CEP170B: variants seen among roughly 807,000 people sequenced by gnomAD.
CEP170B encodes centrosomal protein 170B.
A neutral mutation model predicts 120.6 loss-of-function variants in CEP170B; 55 were observed. The observed-to-expected ratio is 0.46, with a 90% CI of 0.37 to 0.57. CEP170B has a LOEUF of 0.57. Among genes scored for constraint, CEP170B ranks in the 20% least tolerant of loss-of-function variants. The pLI is 0.00. For synonymous variants in CEP170B, 1,033 were observed against 954.5 expected (o/e 1.08, Z -1.52); for missense variants, 2,212 against 2,253.3 (o/e 0.98, Z 0.37).
Position 104,887,774 on chromosome 14 carries a change from T to C in CEP170B, c.3535T>C (p.Ser1179Pro). 2 of 1,583,088 alleles carry C rather than the reference T, an allele frequency of 1.3e-6. No homozygotes were observed. Among genetic ancestry groups the C allele is most frequent in the Non-Finnish European group, 1.7e-6 (2 of 1,166,164 alleles). The change falls in exon 12 of 19, where the codon TCC becomes CCC. Residue 1179 changes from serine (S) to proline (P), a missense_variant. Transcript: ENST00000414716. The stretch of plus-strand genomic sequence containing the variant: ...GGCCATGCCCCGGAAGCGGGCCGGC[T>C]CCTTCACAGGGACTAGTGACCCCGA... ...ILAMPRKRAG[S>P]FTGTSDPEAA...
rs781448978 is a variant in CEP170B at position 104,887,489 on chromosome 14, G to T, written c.3250G>T (p.Ala1084Ser). The change falls in exon 12 of 19, where the codon GCC (alanine) becomes TCC (serine). Residue 1084 changes from alanine (A) to serine (S), a missense_variant. This residue lies in a region of CEP170B where 2,166 missense variants were observed against 2,166.7 expected (regional missense o/e 1.00). Coordinates refer to ENST00000414716, the MANE Select transcript of CEP170B (RefSeq NM_001112726.3). ...GRLGSRRKPA[A>S]PPPSPAAREE... ...GCTAGGTTCTCGCCGGAAACCAGCG[G>T]CCCCACCGCCATCCCCAGCTGCCCG... 1.9e-6 allele frequency: 3 copies of T among 1,611,810 alleles called. No homozygotes were observed. The East Asian group carries it at 6.7e-5, about 36-fold the overall frequency.
intron 8 of CEP170B, 76 bp from the exon 9 acceptor site, chr14:104,883,755 G>A (rs528676748): frequency 2.2e-6 from 3 of 1,369,024 alleles, no homozygotes; most frequent in African/African-American, 2.9e-5. Context: ...AAGGCATGGG[G>A]TGATGAGGCT....
chr14:104,884,631 G>A (rs1256431047), intron 9 of CEP170B, 82 bp downstream of exon 9: 42 of 1,314,048 alleles, frequency 3.2e-5, no homozygotes, highest in Admixed American at 1.1e-4. Flanking sequence ...GAGAGCCCTC[G>A]TGGGGAACGG....
chr14:104,872,289 CGTGTGTGTGCCAT>C lies in CEP170B; in HGVS notation c.105+3736_105+3748del, dbSNP rs1895556564. The stretch of plus-strand genomic sequence containing the variant: ...GTGTGGGTGTGCCGTGTGTGTGCCG[CGTGTGTGTGCCAT>C]GGGTGTGCGTGTGTGCCGTGGGTGT... On this transcript the variant is annotated intron_variant, in intron 2 of 18. Coordinates refer to ENST00000414716, the MANE Select transcript of CEP170B (RefSeq NM_001112726.3). 1.0e-4 allele frequency among the ~76,000 whole-genome samples: 6 copies of C among 57,180 alleles called. No homozygotes were observed. The South Asian group carries it at 3.8e-3, about 36-fold the overall frequency. 37.5% of individuals were successfully genotyped at this position (57,180 alleles called of 152,430 possible).
Position 104,868,027 on chromosome 14 carries a change from G to T in CEP170B, c.-27-397G>T, listed in dbSNP as rs2140612157. ...CCTGGCATCATGGGGACCCTGATGGGCTATGCTGGGTCCTACCCATGAGCT... is the reference window on the plus strand; with the variant it reads ...CCTGGCATCATGGGGACCCTGATGGTCTATGCTGGGTCCTACCCATGAGCT... On this transcript the variant is annotated intron_variant, in intron 1 of 18. Transcript: ENST00000414716. This position sits in a 1 kb window ranked among gnomAD's most constrained non-coding sequence, Gnocchi z 5.9. Among the ~76,000 whole-genome samples the T allele has an allele frequency of 6.6e-6, 1 of 152,240 alleles. No homozygotes were observed. Among genetic ancestry groups the T allele is most frequent in the East Asian group, 1.9e-4 (1 of 5,178 alleles).
In CEP170B at chr14:104,886,593, C is replaced by G; in HGVS notation, c.2354C>G (p.Ser785Ter). ...CCCACGTGGAGCAGGGGTCGGCGCT[C>G]ACCAAGGGCCCCCGGGGAGCCAACT... ...EGPTWSRGRR[S>*]PRAPGEPTPA... is the part of the protein sequence containing the mutation. The change falls in exon 12 of 19, where the codon TCA (serine) becomes TGA (stop). Residue 785 changes from serine to a stop codon, truncating the protein, a stop_gained. Transcript: ENST00000414716. LOFTEE classifies it high-confidence loss of function. 6.6e-7 allele frequency: 1 copy of G among 1,517,134 alleles called. No individual in the cohort carries two copies. The highest frequency in any genetic ancestry group is 8.8e-7 in the Non-Finnish European group (1 of 1,135,816). 94.0% of individuals were successfully genotyped at this position (1,517,134 alleles called of 1,614,324 possible).
In CEP170B at chr14:104,887,489, G is replaced by A. The variant is rs781448978; in HGVS notation, c.3250G>A (p.Ala1084Thr). The stretch of plus-strand genomic sequence containing the variant: ...GCTAGGTTCTCGCCGGAAACCAGCG[G>A]CCCCACCGCCATCCCCAGCTGCCCG... ...GRLGSRRKPA[A>T]PPPSPAAREE... Residue 1084 changes from alanine (A) to threonine (T), a missense_variant, in exon 12 of 19, where the codon GCC (alanine) becomes ACC (threonine). This residue lies in a region of CEP170B where 2,166 missense variants were observed against 2,166.7 expected (regional missense o/e 1.00). Coordinates refer to ENST00000414716, the MANE Select transcript of CEP170B (RefSeq NM_001112726.3). 1 of 1,611,810 alleles carries A rather than the reference G, an allele frequency of 6.2e-7. No homozygotes were observed. Among genetic ancestry groups the A allele is most frequent in the South Asian group, 1.1e-5 (1 of 90,998 alleles).
intron 2 of CEP170B, among the ~76,000 whole-genome samples, chr14:104,871,883 G>A (rs1222973244): frequency 6.6e-6 from 1 of 152,226 alleles, no homozygotes; most frequent in African/African-American, 2.4e-5. Flanking sequence ...CAGGTAGACG[G>A]GTAGGGGAGT....
chr14:104,893,046 G>A lies in CEP170B; in HGVS notation c.3949G>A (p.Asp1317Asn). Residue 1317 changes from aspartate (D) to asparagine (N), a missense_variant, in exon 14 of 19, where the codon GAC (aspartate) becomes AAC (asparagine). Asp to Asn is a conservative substitution (Grantham distance 23). Around this residue, in one of 2 missense-constraint regions of CEP170B, gnomAD observed 2,166 missense variants for 2,166.7 expected, o/e 1.00. Transcript: ENST00000414716. ...QEIHDVAGDG[D>N]TLGSSEPAHS... The stretch of plus-strand genomic sequence containing the variant: ...GATCCACGATGTGGCTGGGGACGGT[G>A]ACACACTGGGCTCCTCGGAGCCTGC... The A allele has an allele frequency of 6.3e-7, 1 of 1,595,574 alleles. No individual in the cohort carries two copies. Among genetic ancestry groups the A allele is most frequent in the Non-Finnish European group, 8.5e-7 (1 of 1,172,864 alleles).
At chr14:104,885,299 C>T (rs1188709936) in intron 9 of CEP170B, 70 bp from the exon 10 acceptor site, 152 of 1,450,082 alleles carry the variant, frequency 1.0e-4, no homozygotes, top group Non-Finnish European at 1.3e-4. Context: ...TGGGGGTGGC[C>T]AGTGTCAGTG....
In CEP170B at chr14:104,872,448, A is replaced by G. The variant is rs58406517; in HGVS notation, c.106-3808A>G. ...CCGTGCGTGTGTGCGTGTGTGTGCC[A>G]TGTGTGTGCGTGTGGGTGTGCCGTG... On this transcript the variant is annotated intron_variant, in intron 2 of 18. Transcript: ENST00000414716. Among the ~76,000 whole-genome samples, 35 of 69,234 alleles carry G rather than the reference A, an allele frequency of 5.1e-4. 5 individuals carry two copies. Among genetic ancestry groups the G allele is most frequent in the African/African-American group, 2.8e-3 (30 of 10,678 alleles). The allele number at this position is 69,234 out of a possible 152,430, so 45.4% of individuals were successfully genotyped here. A position where few individuals can be genotyped will look rare whatever the true frequency, so the allele number is the denominator to read the frequency against.
At chr14:104,893,452 C>A in intron 14 of CEP170B, 71 bp from the exon 15 acceptor site, 1 of 1,531,958 alleles carries the variant, frequency 6.5e-7, no homozygotes. Context: ...CGGGCCGGAG[C>A]AGGGAGGTGC....
intron 13 of CEP170B, among the ~76,000 whole-genome samples, chr14:104,892,018 A>AGGTAGG (rs1243477549): frequency 6.7e-6 from 1 of 149,116 alleles, no homozygotes; most frequent in African/African-American, 2.5e-5. Context: ...GTGCCGCTGG[A>AGGTAGG]GGTAGGGGTA....
intron 3 of CEP170B, among the ~76,000 whole-genome samples, chr14:104,876,676 C>T (rs1895869713): frequency 6.6e-6 from 1 of 152,238 alleles, no homozygotes; most frequent in South Asian, 2.1e-4. Flanking sequence ...GAAGGCTCCC[C>T]CTGGCAGGGT....
Position 104,883,176 on chromosome 14 carries a change from C to G in CEP170B, c.719C>G (p.Pro240Arg). The change falls in exon 8 of 19, where the codon CCC becomes CGC. Residue 240 changes from proline to arginine, a missense_variant. Pro to Arg is a moderately radical substitution (Grantham distance 103, BLOSUM62 -2). Coordinates refer to ENST00000414716, the MANE Select transcript of CEP170B (RefSeq NM_001112726.3). ...GAGACCCCGCAGCCGTCGCAGCCCC[C>G]CGAGGTGCCGGCACACGAGATGCCC... is the stretch of plus-strand genomic sequence containing the variant. ...TKETPQPSQP[P>R]EVPAHEMPTK... 6.3e-7 allele frequency: 1 copy of G among 1,599,406 alleles called. No homozygotes were observed. Among genetic ancestry groups the G allele is most frequent in the Admixed American group, 1.7e-5 (1 of 58,752 alleles).
chr14:104,885,407 A>G lies in CEP170B; in HGVS notation c.1809A>G (p.Ala603=), dbSNP rs772939384. 24 of 1,569,548 alleles carry G rather than the reference A, an allele frequency of 1.5e-5. 1 individual carries two copies. The East Asian group carries it at 3.1e-4, about 20-fold the overall frequency. The change falls in exon 10 of 19, where the codon GCA becomes GCG. Residue 603 remains alanine (A), a synonymous_variant. Transcript: ENST00000414716. ...TGGAGTCCCCTGAACTCTCCAGGGC[A>G]TCTTCGGCCACCTTTCGCCCAGTCA... ...GVLESPELSR[A]SSATFRPVIR... is the part of the protein sequence containing the mutation.
Position 104,867,887 on chromosome 14 carries a change from G to A in CEP170B, c.-27-537G>A, listed in dbSNP as rs1220650687. 6.6e-6 allele frequency among the ~76,000 whole-genome samples: 1 copy of A among 152,110 alleles called. No individual in the cohort carries two copies. Among genetic ancestry groups the A allele is most frequent in the Non-Finnish European group, 1.5e-5 (1 of 68,022 alleles). On this transcript the variant is annotated intron_variant, in intron 1 of 18. Transcript: ENST00000414716. The surrounding 1 kb of genome is among the most constrained non-coding windows in gnomAD (Gnocchi z 5.4). ...ACTCAGGGCCCCTGTCTCCAGCTCT[G>A]TCCCTGCTGCCCCTCACCCCAGGCC... is the stretch of plus-strand genomic sequence containing the variant.
At chr14:104,883,646 C>A in intron 8 of CEP170B, 138 bp downstream of exon 8, 4 of 1,115,686 alleles carry the variant, frequency 3.6e-6, no homozygotes, top group Non-Finnish European at 5.0e-6. Flanking sequence ...GCCTAAGAGC[C>A]ACCTGCCTGG....
intron 12 of CEP170B, among the ~76,000 whole-genome samples, chr14:104,888,315 G>T (rs903048450): frequency 7.2e-5 from 11 of 152,242 alleles, no homozygotes; most frequent in Admixed American, 4.6e-4. Context: ...GGCCCCTGGT[G>T]CCTTTGGGTC....
Sources: allele counts gnomAD v4.1 joint callset (sites outside exome capture counted in the v4.1 genomes callset), GRCh38; gene constraint gnomAD v4.1.1; regional missense constraint gnomAD v4.1.1; non-coding constraint Gnocchi (gnomAD v3.1); transcripts MANE v1.5; gene names NCBI Gene and HGNC (gene_info 2026-07-23, HGNC 2026-07-21).